Variants in KCNMB2 observed in about 807,000 individuals in gnomAD.
KCNMB2 encodes calcium-activated potassium channel subunit beta-2.
Under a neutral mutation model 24.5 loss-of-function variants are expected in KCNMB2, and 9 were observed. The ratio of observed to expected loss-of-function variants is 0.37; its 90% confidence interval spans 0.22 to 0.64. KCNMB2 has a LOEUF of 0.64. KCNMB2 is among the 30% of genes least tolerant of loss of function. The pLI, the probability that KCNMB2 is intolerant of heterozygous loss-of-function variation, is 0.63. For synonymous variants in KCNMB2, 109 were observed against 104.4 expected, an observed-to-expected ratio of 1.04 and a Z score of -0.27; for missense variants, 226 against 284.3, an observed-to-expected ratio of 0.79 and a Z score of 1.47.
chr3:178,661,365 A>G (rs1413791004), intron 1 of KCNMB2, among the ~76,000 whole-genome samples: 1 of 151,928 alleles, frequency 6.6e-6, no homozygotes, highest in Non-Finnish European at 1.5e-5. Flanking sequence ...CATGTGCCAC[A>G]TTTTCTTTAT....
intron 1 of KCNMB2, among the ~76,000 whole-genome samples, chr3:178,773,273 T>C (rs1160355589): frequency 1.3e-5 from 2 of 150,932 alleles, no homozygotes; most frequent in African/African-American, 4.8e-5. Context: ...TAACATTTTA[T>C]TTCCACTTCA....
intron 1 of KCNMB2, among the ~76,000 whole-genome samples, chr3:178,715,975 T>C (rs1364277610): frequency 2.0e-5 from 3 of 152,190 alleles, no homozygotes; most frequent in East Asian, 3.8e-4. Context: ...CCCTCTCTTA[T>C]GCTTTATAGG....
At chr3:178,817,258 C>T (rs142461181) in intron 2 of KCNMB2, among the ~76,000 whole-genome samples, 1 of 129,504 alleles carries the variant, frequency 7.7e-6, no homozygotes, top group African/African-American at 3.3e-5. Flanking sequence ...TCTCCCCAAA[C>T]TCAAAAACAC....
intron 2 of KCNMB2, among the ~76,000 whole-genome samples, chr3:178,815,212 C>T (rs1714359017): frequency 2.6e-5 from 4 of 152,082 alleles, no homozygotes; most frequent in Admixed American, 1.3e-4. Flanking sequence ...AATCGTGATT[C>T]ACTGCAGCCT....
rs554523522 is a variant in KCNMB2, at chr3:178,557,242, T to C, written c.-68+20531T>C. ...ATCTGTATCTAGGTATGAGAGTCAC[T>C]TACTTAGAAGAACTGGACATTGGAT... is the stretch of plus-strand genomic sequence containing the variant. On this transcript the variant is annotated intron_variant, in intron 1 of 4. Transcript: ENST00000452583. Among the ~76,000 whole-genome samples, 5 of 152,310 alleles carry C rather than the reference T, an allele frequency of 3.3e-5. No homozygotes were observed. In the East Asian group the frequency reaches 9.6e-4, roughly 29 times the overall value.
At chr3:178,740,888 C>T (rs1034251697) in intron 1 of KCNMB2, among the ~76,000 whole-genome samples, 14 of 152,060 alleles carry the variant, frequency 9.2e-5, no homozygotes, top group Admixed American at 6.6e-4. Context: ...CTCACAGGCT[C>T]AAAGTAACAA....
At chr3:178,759,305 A>AAGAGGATATATATATATATATC (rs1711570929) in intron 1 of KCNMB2, among the ~76,000 whole-genome samples, 1 of 101,306 alleles carries the variant, frequency 9.9e-6, no homozygotes, top group African/African-American at 3.9e-5. Flanking sequence ...ACATATATAT[A>AAGAGGATATATATATATATATC]TCTCCAAGAG....
At chr3:178,764,365 C>G (rs1712031768) in intron 1 of KCNMB2, among the ~76,000 whole-genome samples, 1 of 152,154 alleles carries the variant, frequency 6.6e-6, no homozygotes, top group South Asian at 2.1e-4. Flanking sequence ...GGACAATGGT[C>G]TCATAAGATT....
intron 1 of KCNMB2, among the ~76,000 whole-genome samples, chr3:178,726,568 C>T (rs550507897): frequency 1.1e-4 from 13 of 114,940 alleles, no homozygotes; most frequent in South Asian, 2.8e-4. Flanking sequence ...TTTTGGTTGA[C>T]AGGTTTTTTT....
At chr3:178,808,023 A>T (rs1378015297) in intron 2 of KCNMB2, among the ~76,000 whole-genome samples, 1 of 152,116 alleles carries the variant, frequency 6.6e-6, no homozygotes, top group African/African-American at 2.4e-5. Flanking sequence ...TATGGCAGGG[A>T]AGGAAAACAG....
chr3:178,661,316 C>T (rs1166072719), intron 1 of KCNMB2, among the ~76,000 whole-genome samples: 2 of 152,100 alleles, frequency 1.3e-5, no homozygotes, highest in African/African-American at 4.8e-5. Flanking sequence ...AGGACATGAA[C>T]TCTTCCTTTT....
chr3:178,696,814 G>C (rs551467004), intron 1 of KCNMB2, among the ~76,000 whole-genome samples: 2 of 152,088 alleles, frequency 1.3e-5, no homozygotes, highest in Non-Finnish European at 2.9e-5. Flanking sequence ...GTTCTCAAAA[G>C]TAAATAATGA....
intron 1 of KCNMB2, among the ~76,000 whole-genome samples, chr3:178,694,634 T>C (rs1482329987): frequency 4.6e-5 from 7 of 152,206 alleles, no homozygotes; most frequent in Non-Finnish European, 8.8e-5. Context: ...ACAGGCCCCA[T>C]GCAATTCTGA....
chr3:178,714,811 G>A (rs1209423339), intron 1 of KCNMB2, among the ~76,000 whole-genome samples: 7 of 147,654 alleles, frequency 4.7e-5, no homozygotes, highest in African/African-American at 1.7e-4. Flanking sequence ...TTGAGGCTGG[G>A]CCCACTTTCT....
intron 1 of KCNMB2, among the ~76,000 whole-genome samples, chr3:178,624,058 T>G (rs1470122382): frequency 1.3e-5 from 2 of 152,234 alleles, no homozygotes; most frequent in Non-Finnish European, 2.9e-5. Flanking sequence ...CTACGTGCTG[T>G]GTGCATCTGG....
intron 1 of KCNMB2, among the ~76,000 whole-genome samples, chr3:178,590,237 A>C (rs1717615673): frequency 6.6e-6 from 1 of 152,124 alleles, no homozygotes; most frequent in Admixed American, 6.6e-5. Context: ...CATTGAGAAA[A>C]AAGGAGGGAG....
At chr3:178,758,584 A>ATC (rs1391825265) in intron 1 of KCNMB2, among the ~76,000 whole-genome samples, 1 of 37,248 alleles carries the variant, frequency 2.7e-5, no homozygotes, top group Non-Finnish European at 5.5e-5. Context: ...ATATATATAT[A>ATC]TCCAAGAGGA....
rs146048896 is a variant in KCNMB2, at chr3:178,662,589, C to T, written c.-68+125878C>T. On this transcript the variant is annotated intron_variant, in intron 1 of 4. Coordinates refer to ENST00000452583, the MANE Select transcript of KCNMB2 (RefSeq NM_181361.3). The stretch of plus-strand genomic sequence containing the variant: ...GTGCAAAGAGCCCAGGCTTAGAAAA[C>T]ATTTGCTTGTCAAGGATATCATTTA... 1.9e-4 allele frequency among the ~76,000 whole-genome samples: 29 copies of T among 152,158 alleles called. No individual in the cohort carries two copies. The East Asian group carries it at 4.2e-3, about 22-fold the overall frequency.
chr3:178,679,598 G>A (rs1721197343), intron 1 of KCNMB2, among the ~76,000 whole-genome samples: 1 of 152,134 alleles, frequency 6.6e-6, no homozygotes, highest in Non-Finnish European at 1.5e-5. Context: ...AAGAAGAGCT[G>A]GTAGTGAAGA....
Sources: gnomAD v4.1 joint callset for allele counts (sites outside exome capture counted in the v4.1 genomes callset) on GRCh38, gnomAD v4.1.1 for gene constraint, MANE v1.5 for transcripts, NCBI Gene and HGNC (gene_info 2026-07-23, HGNC 2026-07-21) for gene names.